The following EPHA3 variants were observed in gnomAD, a reference collection of about 807,000 sequenced individuals.
The protein encoded by EPHA3 is ephrin type-A receptor 3.
EPHA3 carries 42 observed loss-of-function variants against 107.1 expected under a neutral mutation model. The observed-to-expected ratio is 0.39, with a 90% CI of 0.31 to 0.51. The LOEUF (loss-of-function observed/expected upper bound fraction) is 0.51. EPHA3 is among the 20% of genes least tolerant of loss of function. The pLI is 0.78. For missense variants in EPHA3, 1,183 were observed against 1,211.2 expected (o/e 0.98, Z 0.35); for synonymous variants, 461 against 424.8 (o/e 1.09, Z -1.05).
At chr3:89,455,331 A>G (rs1396039391) in intron 15 of EPHA3, among the ~76,000 whole-genome samples, 1 of 152,120 alleles carries the variant, frequency 6.6e-6, no homozygotes, top group Non-Finnish European at 1.5e-5. Context: ...CAAAAAGAAT[A>G]TTCTTGGCAC....
intron 3 of EPHA3, among the ~76,000 whole-genome samples, chr3:89,229,779 C>A (rs1237802577): frequency 2.0e-5 from 3 of 151,540 alleles, no homozygotes; most frequent in Non-Finnish European, 4.4e-5. Context: ...GAAATATGAA[C>A]CCAAGGGACA....
At chr3:89,161,030 A>G (rs1704925918) in intron 2 of EPHA3, among the ~76,000 whole-genome samples, 1 of 152,168 alleles carries the variant, frequency 6.6e-6, no homozygotes. Context: ...CAGTAAGTCC[A>G]CTAGAAGGAT....
chr3:89,321,890 G>C (rs1452945818), intron 3 of EPHA3, among the ~76,000 whole-genome samples: 2 of 151,976 alleles, frequency 1.3e-5, no homozygotes, highest in African/African-American at 4.8e-5. Context: ...CTAGTATCAT[G>C]GTATTTAGAT....
At chr3:89,131,390 T>C (rs1301363470) in intron 2 of EPHA3, among the ~76,000 whole-genome samples, 3 of 152,232 alleles carry the variant, frequency 2.0e-5, no homozygotes, top group Non-Finnish European at 2.9e-5. Context: ...TGTTAGGTTA[T>C]TGTTTTTTTC....
intron 3 of EPHA3, among the ~76,000 whole-genome samples, chr3:89,256,633 T>C (rs1195470962): frequency 6.6e-6 from 1 of 152,060 alleles, no homozygotes. Context: ...GGTCTAGTCC[T>C]CTAAGTATAT....
chr3:89,229,308 C>T (rs1704572424), intron 3 of EPHA3, among the ~76,000 whole-genome samples: 1 of 151,814 alleles, frequency 6.6e-6, no homozygotes, highest in African/African-American at 2.4e-5. Context: ...GCATATAACT[C>T]AAGTTTGAAG....
chr3:89,131,228 C>A (rs1488177125), intron 2 of EPHA3, among the ~76,000 whole-genome samples: 1 of 152,100 alleles, frequency 6.6e-6, no homozygotes, highest in Non-Finnish European at 1.5e-5. Context: ...CAGACTGAAG[C>A]AGTTACCTTC....
chr3:89,336,184 T>C (rs1707388155), intron 3 of EPHA3, among the ~76,000 whole-genome samples: 1 of 152,254 alleles, frequency 6.6e-6, no homozygotes, highest in African/African-American at 2.4e-5. Context: ...TATTCTCTTA[T>C]ATGTGCAACC....
In EPHA3 at chr3:89,224,341, G is replaced by C. The variant is rs187263172; in HGVS notation, c.814+13821G>C. Among the ~76,000 whole-genome samples, 397 of 152,278 alleles carry C rather than the reference G, an allele frequency of 2.6e-3. 1 individual carries two copies. The highest frequency in any genetic ancestry group is 8.9e-3 in the African/African-American group (371 of 41,562). ...GAGGTTGCCAGGGCAAATGAGTTGG[G>C]ATAGTTAATTTACAATAAAATGATA... is the stretch of plus-strand genomic sequence containing the variant. On this transcript the variant is annotated intron_variant, in intron 3 of 16. Coordinates refer to ENST00000336596, the MANE Select transcript of EPHA3 (RefSeq NM_005233.6).
chr3:89,175,053 GA>G (rs1054953529), intron 2 of EPHA3, among the ~76,000 whole-genome samples: 4 of 148,350 alleles, frequency 2.7e-5, no homozygotes, highest in Admixed American at 6.7e-5. Flanking sequence ...GTTTGGTAAA[GA>G]AAAAAAGTGA....
intron 3 of EPHA3, among the ~76,000 whole-genome samples, chr3:89,282,581 T>C (rs1375985797): frequency 6.6e-6 from 1 of 152,134 alleles, no homozygotes; most frequent in Non-Finnish European, 1.5e-5. Flanking sequence ...TTGCCTTTAA[T>C]AACAGGCCAT....
chr3:89,370,359 G>T (rs2107470177), intron 5 of EPHA3, among the ~76,000 whole-genome samples: 1 of 151,936 alleles, frequency 6.6e-6, no homozygotes, highest in African/African-American at 2.4e-5. Context: ...CCTTTTTAGG[G>T]ACATGGATGA....
At chr3:89,412,558 C>T (rs970317570) in intron 9 of EPHA3, among the ~76,000 whole-genome samples, 5 of 151,340 alleles carry the variant, frequency 3.3e-5, no homozygotes, top group African/African-American at 7.3e-5. Context: ...TACATGTATA[C>T]ACATACTAAC....
At chr3:89,201,361 C>G (rs181592722) in intron 2 of EPHA3, among the ~76,000 whole-genome samples, 18 of 151,874 alleles carry the variant, frequency 1.2e-4, no homozygotes, top group Non-Finnish European at 2.2e-4. Flanking sequence ...GGACACAGAG[C>G]CAACGGTTAG....
At chr3:89,412,889 C>T (rs1709181212) in intron 9 of EPHA3, among the ~76,000 whole-genome samples, 1 of 151,506 alleles carries the variant, frequency 6.6e-6, no homozygotes, top group South Asian at 2.1e-4. Context: ...ATGCATTTTC[C>T]TTCTGATGTT....
chr3:89,226,170 G>A (rs1460977174), intron 3 of EPHA3, among the ~76,000 whole-genome samples: 1 of 152,036 alleles, frequency 6.6e-6, no homozygotes, highest in Admixed American at 6.6e-5. Flanking sequence ...GTTTAGCTTG[G>A]CTCTATCCCT....
chr3:89,180,197 T>G (rs1375868820), intron 2 of EPHA3, among the ~76,000 whole-genome samples: 2 of 152,060 alleles, frequency 1.3e-5, no homozygotes, highest in Admixed American at 1.3e-4. Flanking sequence ...ACATTAATTT[T>G]TTTTTCATGA....
At chr3:89,475,617 G>A (rs1204440160) in intron 16 of EPHA3, among the ~76,000 whole-genome samples, 1 of 152,190 alleles carries the variant, frequency 6.6e-6, no homozygotes, top group Non-Finnish European at 1.5e-5. Context: ...GAGAAAGGAA[G>A]AGAGAAAGGG....
At chr3:89,156,752 G>A (rs926677097) in intron 2 of EPHA3, among the ~76,000 whole-genome samples, 5 of 151,852 alleles carry the variant, frequency 3.3e-5, no homozygotes, top group Non-Finnish European at 7.4e-5. Context: ...AACAGAGCAG[G>A]AACATTTTAT....
Sources: gnomAD v4.1 joint callset for allele counts (sites outside exome capture counted in the v4.1 genomes callset) on GRCh38, gnomAD v4.1.1 for gene constraint, MANE v1.5 for transcripts, NCBI Gene and HGNC (gene_info 2026-07-23, HGNC 2026-07-21) for gene names.